PKD1L1: variants seen among roughly 807,000 people sequenced by gnomAD.
PKD1L1 encodes the protein polycystin-1-like protein 1.
PKD1L1 carries 236 observed loss-of-function variants against 323.4 expected under a neutral mutation model. The ratio of observed to expected loss-of-function variants is 0.73; its 90% CI spans 0.66 to 0.81. PKD1L1 has a LOEUF of 0.81. Ranked by LOEUF, PKD1L1 falls within the 40% of genes least tolerant of loss-of-function variation. The pLI is 0.00. For synonymous variants in PKD1L1, 1,344 were observed against 1,335.0 expected (o/e 1.01, Z -0.15); for missense variants, 3,320 against 3,508.0 (o/e 0.95, Z 1.35).
intron 28 of PKD1L1, among the ~76,000 whole-genome samples, chr7:47,855,593 G>GAAGAATAGCTATTCTATAGTCCCATT (rs1554403099): frequency 5.5e-5 from 8 of 144,722 alleles, no homozygotes; most frequent in African/African-American, 1.4e-4. Flanking sequence ...ATGCAAGAGT[G>GAAGAATAGCTATTCTATAGTCCCATT]GGGCCGGGCG....
In PKD1L1 at chr7:47,882,197, C is replaced by T. The variant is rs187036371; in HGVS notation, c.3266-112G>A. 65 of 1,103,092 alleles carry T rather than the reference C, an allele frequency of 5.9e-5. No homozygotes were observed. The Admixed American group carries it at 6.7e-4, about 11-fold the overall frequency. 68.3% of individuals were successfully genotyped at this position (1,103,092 alleles called of 1,614,324 possible). Reference sequence around the variant, plus strand: ...AACTATTTGTACTATTGCTGGATACCGCCTATCTAATATAATGTCTTCAGC... The same window carrying T: ...AACTATTTGTACTATTGCTGGATACTGCCTATCTAATATAATGTCTTCAGC... On this transcript the variant is annotated intron_variant, in intron 19 of 56. Coordinates refer to ENST00000289672, the MANE Select transcript of PKD1L1 (RefSeq NM_138295.5).
chr7:47,861,187 T>G (rs73692893), intron 26 of PKD1L1, among the ~76,000 whole-genome samples: 164 of 152,376 alleles, frequency 1.1e-3, no homozygotes, highest in African/African-American at 3.8e-3. Context: ...TTCAGGGTTA[T>G]CTGTTACAGC....
At chr7:47,944,749 T>C (rs1453736065) in intron 1 of PKD1L1, among the ~76,000 whole-genome samples, 1 of 152,222 alleles carries the variant, frequency 6.6e-6, no homozygotes, top group Non-Finnish European at 1.5e-5. Context: ...TCAGCAGAGA[T>C]CATCGTGGGT....
At position 47,839,348 on chromosome 7, in the gene PKD1L1, A is replaced by C; in HGVS notation, c.5769+98T>G. On this transcript the variant is annotated intron_variant, in intron 36 of 56. Coordinates refer to ENST00000289672, the MANE Select transcript of PKD1L1 (RefSeq NM_138295.5). This position sits in a 1 kb window ranked among gnomAD's most constrained non-coding sequence, Gnocchi z 4.3. Reference sequence around the variant, plus strand: ...AGAAAAGAGGAATACACTTTAGAAGAGTTCAAAGACACAACTGTGGCAAGC... The same window carrying C: ...AGAAAAGAGGAATACACTTTAGAAGCGTTCAAAGACACAACTGTGGCAAGC... 1 of 880,574 alleles carries C rather than the reference A, an allele frequency of 1.1e-6. No homozygotes were observed. Among genetic ancestry groups the C allele is most frequent in the South Asian group, 1.8e-5 (1 of 55,742 alleles). The allele number at this position is 880,574 out of a possible 1,614,324, so 54.5% of individuals were successfully genotyped here. A position where few individuals can be genotyped will look rare whatever the true frequency, so the allele number is the denominator to read the frequency against.
At chr7:47,918,580 T>C (rs1205414431) in intron 7 of PKD1L1, among the ~76,000 whole-genome samples, 1 of 151,986 alleles carries the variant, frequency 6.6e-6, no homozygotes, top group Non-Finnish European at 1.5e-5. Context: ...TATTCAATAG[T>C]GTATAGAACT....
chr7:47,845,141 T>C (rs1303969137), intron 32 of PKD1L1, 63 bp from the exon 33 acceptor site: 5 of 1,329,532 alleles, frequency 3.8e-6, no homozygotes, highest in Admixed American at 4.1e-5. Context: ...GACAGTGTAA[T>C]GGCATGTTGG....
intron 36 of PKD1L1, among the ~76,000 whole-genome samples, chr7:47,838,754 T>G (rs933604476): frequency 3.3e-5 from 5 of 151,832 alleles, no homozygotes; most frequent in Non-Finnish European, 5.9e-5. Context: ...GGCGTGTGCC[T>G]GTAGTCCCAG....
intron 33 of PKD1L1, 140 bp from the exon 34 acceptor site, chr7:47,843,309 T>C: frequency 1.4e-6 from 1 of 695,928 alleles, no homozygotes; most frequent in Non-Finnish European, 2.4e-6. Context: ...TGCTGGAAGC[T>C]GAGTTAGAAG....
intron 8 of PKD1L1, among the ~76,000 whole-genome samples, chr7:47,911,928 GAA>G (rs371999617): frequency 3.1e-5 from 3 of 95,240 alleles, no homozygotes; most frequent in African/African-American, 3.8e-5. Context: ...ATGCTGTGAA[GAA>G]AAAAAAAAAA....
chr7:47,862,673 G>A (rs569355758), intron 26 of PKD1L1, among the ~76,000 whole-genome samples: 1 of 152,336 alleles, frequency 6.6e-6, no homozygotes, highest in Admixed American at 6.5e-5. Flanking sequence ...CTCTAAGAAA[G>A]TAAGTAGCAT....
intron 2 of PKD1L1, among the ~76,000 whole-genome samples, chr7:47,940,842 G>A (rs554363795): frequency 6.6e-6 from 1 of 152,326 alleles, no homozygotes; most frequent in Admixed American, 6.5e-5. Flanking sequence ...GCCGGGCAGT[G>A]AGCGGAGCCA....
chr7:47,840,622 C>G lies in PKD1L1; in HGVS notation c.5446-55G>C. On this transcript the variant is annotated intron_variant, in intron 34 of 56. Transcript: ENST00000289672. This position sits in a 1 kb window ranked among gnomAD's most constrained non-coding sequence, Gnocchi z 4.1. ...AGGCTATTTCACAGCAGACACCATGCAATGCTGGGCAGGGCTTCCTCGCAC... is the reference window on the plus strand; with the variant it reads ...AGGCTATTTCACAGCAGACACCATGGAATGCTGGGCAGGGCTTCCTCGCAC... 2.2e-6 allele frequency: 3 copies of G among 1,341,096 alleles called. No individual in the cohort carries two copies. The highest frequency in any genetic ancestry group is 3.2e-6 in the Non-Finnish European group (3 of 937,574). The allele number at this position is 1,341,096 out of a possible 1,614,324, so 83.1% of individuals were successfully genotyped here. A position where few individuals can be genotyped will look rare whatever the true frequency, so the allele number is the denominator to read the frequency against.
chr7:47,799,101 T>C (rs552360946), intron 54 of PKD1L1, among the ~76,000 whole-genome samples: 104 of 152,368 alleles, frequency 6.8e-4, no homozygotes, highest in African/African-American at 2.3e-3. Context: ...ATTATCTTTG[T>C]TTCGCCATTG....
chr7:47,869,753 A>G (rs144905838), intron 24 of PKD1L1, among the ~76,000 whole-genome samples: 1 of 152,336 alleles, frequency 6.6e-6, no homozygotes, highest in African/African-American at 2.4e-5. Context: ...ACAGATAACC[A>G]TTGAACATTT....
chr7:47,785,823 C>A (rs1786793643), intron 56 of PKD1L1, among the ~76,000 whole-genome samples: 1 of 151,358 alleles, frequency 6.6e-6, no homozygotes, highest in Admixed American at 6.6e-5. Flanking sequence ...CTCACTGCAA[C>A]CTCTGCCTCC....
At chr7:47,854,824 A>G in intron 30 of PKD1L1, 58 bp downstream of exon 30, 3 of 1,552,934 alleles carry the variant, frequency 1.9e-6, no homozygotes, top group South Asian at 2.4e-5. Context: ...GTCACAAAAC[A>G]TTCTTAAGGA....
intron 56 of PKD1L1, among the ~76,000 whole-genome samples, chr7:47,777,827 G>T (rs1245958303): frequency 6.6e-6 from 1 of 152,116 alleles, no homozygotes; most frequent in African/African-American, 2.4e-5. Context: ...CTTGCTCCAG[G>T]TATCACTCAC....
At chr7:47,931,066 GAGA>G (rs771927810) in intron 6 of PKD1L1, 35 bp downstream of exon 6, 13 of 1,585,402 alleles carry the variant, frequency 8.2e-6, no homozygotes, top group Non-Finnish European at 9.5e-6. Context: ...CTGGGGATTG[GAGA>G]AGTGGTGCTG....
chr7:47,827,571 C>A (rs2128734338), intron 44 of PKD1L1, 103 bp from the exon 45 acceptor site: 3 of 943,764 alleles, frequency 3.2e-6, no homozygotes, highest in Non-Finnish European at 4.6e-6. Flanking sequence ...CTGTGCTGTG[C>A]CTTCAGCCTG....
Sources: gnomAD v4.1 joint callset for allele counts (sites outside exome capture counted in the v4.1 genomes callset) on GRCh38, gnomAD v4.1.1 for gene constraint, Gnocchi (gnomAD v3.1) non-coding constraint, MANE v1.5 for transcripts, NCBI Gene and HGNC (gene_info 2026-07-23, HGNC 2026-07-21) for gene names.